SAMD12: variants seen among roughly 807,000 people sequenced by gnomAD.
SAMD12 encodes sterile alpha motif domain containing 12, also known as sterile alpha motif domain-containing protein 12.
In SAMD12, 9 loss-of-function variants were observed where a neutral mutation model predicts 15.0. The ratio of observed to expected loss-of-function variants is 0.60; its 90% CI spans 0.36 to 1.05. The LOEUF (loss-of-function observed/expected upper bound fraction) is 1.05, where lower values mean the gene tolerates loss of function less well. SAMD12 is among the 50% of genes least tolerant of loss of function. SAMD12 has a pLI of 0.01. For missense variants in SAMD12, 230 were observed against 234.2 expected (o/e 0.98, Z 0.12); for synonymous variants, 86 against 90.1 (o/e 0.96, Z 0.25).
chr8:118,467,642 G>A (rs760018561), intron 2 of SAMD12, among the ~76,000 whole-genome samples: 3 of 152,078 alleles, frequency 2.0e-5, no homozygotes, highest in Non-Finnish European at 4.4e-5. Context: ...GTTAGATATC[G>A]ACTCTAGGAA....
chr8:118,543,747 C>T (rs1468441108), intron 2 of SAMD12, among the ~76,000 whole-genome samples: 1 of 151,194 alleles, frequency 6.6e-6, no homozygotes, highest in African/African-American at 2.4e-5. Flanking sequence ...TTTAGATACC[C>T]CTGTCCTTCA....
At chr8:118,526,151 C>T (rs1825531237) in intron 2 of SAMD12, among the ~76,000 whole-genome samples, 1 of 152,196 alleles carries the variant, frequency 6.6e-6, no homozygotes, top group Non-Finnish European at 1.5e-5. Flanking sequence ...TAGCATCCTG[C>T]TGTTCTACAT....
intron 3 of SAMD12, among the ~76,000 whole-genome samples, chr8:118,432,038 C>T (rs1822433663): frequency 6.6e-6 from 1 of 152,050 alleles, no homozygotes; most frequent in Non-Finnish European, 1.5e-5. Context: ...CTGATGATCC[C>T]CTTGAAGGCA....
chr8:118,511,970 C>G (rs1169559274), intron 2 of SAMD12, among the ~76,000 whole-genome samples: 1 of 152,116 alleles, frequency 6.6e-6, no homozygotes, highest in Non-Finnish European at 1.5e-5. Flanking sequence ...ACCTCCAACC[C>G]TAAATAAGTA....
intron 4 of SAMD12, among the ~76,000 whole-genome samples, chr8:118,255,971 A>G (rs1435246194): frequency 6.6e-5 from 10 of 152,252 alleles, no homozygotes; most frequent in Admixed American, 1.3e-4. Flanking sequence ...AGTCCCACCA[A>G]CAGTGTAAAA....
chr8:118,582,152 C>T (rs1446544664), intron 1 of SAMD12, among the ~76,000 whole-genome samples: 1 of 152,170 alleles, frequency 6.6e-6, no homozygotes, highest in East Asian at 1.9e-4. Flanking sequence ...TTTCCTCCCA[C>T]TATCCACTCC....
intron 2 of SAMD12, among the ~76,000 whole-genome samples, chr8:118,575,542 GATT>G (rs1284655580): frequency 1.3e-5 from 2 of 152,100 alleles, no homozygotes; most frequent in Non-Finnish European, 2.9e-5. Context: ...TCTTCCTCCA[GATT>G]ATTAGCCAGA....
chr8:118,263,593 A>T (rs1813132816), intron 4 of SAMD12, among the ~76,000 whole-genome samples: 1 of 152,052 alleles, frequency 6.6e-6, no homozygotes, highest in Non-Finnish European at 1.5e-5. Context: ...AAAGATGGGG[A>T]GTAAAAAAAA....
intron 2 of SAMD12, among the ~76,000 whole-genome samples, chr8:118,443,998 C>G (rs555643173): frequency 6.6e-6 from 1 of 152,204 alleles, no homozygotes; most frequent in Non-Finnish European, 1.5e-5. Flanking sequence ...TCAATGCCTT[C>G]GACCGCCTCG....
intron 3 of SAMD12, among the ~76,000 whole-genome samples, chr8:118,397,145 G>T (rs569843257): frequency 6.6e-6 from 1 of 152,326 alleles, no homozygotes; most frequent in Non-Finnish European, 1.5e-5. Context: ...ACAGGCTGGA[G>T]CTCCAAGGAG....
intron 2 of SAMD12, among the ~76,000 whole-genome samples, chr8:118,526,826 A>T (rs11985455): frequency 0.013 from 1,985 of 152,266 alleles, 56 homozygotes; most frequent in African/African-American, 0.046. Flanking sequence ...TGAGACATGG[A>T]ACAGAAAAAG....
At chr8:118,284,960 A>AG (rs1373064814) in intron 4 of SAMD12, 1 of 151,768 alleles carries the variant, frequency 6.6e-6, no homozygotes, top group African/African-American at 2.4e-5. Context: ...AAAAAAAAAA[A>AG]AAAGAAGAAG....
chr8:118,136,400 A>C, the SAMD12 span, among the ~76,000 whole-genome samples: 1 of 152,344 alleles, frequency 6.6e-6, no homozygotes, highest in African/African-American at 2.4e-5. Flanking sequence ...ATTTTGGAGG[A>C]GATCAAGTGG....
At chr8:118,155,390 T>C in the SAMD12 span, among the ~76,000 whole-genome samples, 1 of 152,138 alleles carries the variant, frequency 6.6e-6, no homozygotes, top group African/African-American at 2.4e-5. Context: ...CTAACAATAG[T>C]TTATAATACA....
the SAMD12 span, among the ~76,000 whole-genome samples, chr8:118,144,074 C>T: frequency 6.6e-6 from 1 of 152,136 alleles, no homozygotes; most frequent in Non-Finnish European, 1.5e-5. Context: ...CTTGGTGTGG[C>T]TGCATCTCTC....
At chr8:118,176,448 T>C in the SAMD12 span, among the ~76,000 whole-genome samples, 1 of 152,052 alleles carries the variant, frequency 6.6e-6, no homozygotes, top group African/African-American at 2.4e-5. Context: ...ATAAAGAAAA[T>C]GTGGTACATA....
Position 118,277,006 on chromosome 8 carries a change from C to T in SAMD12, c.434-79274G>A, listed in dbSNP as rs956412874. Reference sequence around the variant, plus strand: ...TGACTTTTTGAGCAGTTTTTGAAGTCTCTCTTTCTCCAGTTTTTTTTTCCA... The same window carrying T: ...TGACTTTTTGAGCAGTTTTTGAAGTTTCTCTTTCTCCAGTTTTTTTTTCCA... On this transcript the variant is annotated intron_variant, in intron 4 of 4. Transcript: ENST00000409003. Among the ~76,000 whole-genome samples, 4 of 152,148 alleles carry T rather than the reference C, an allele frequency of 2.6e-5. No homozygotes were observed. The South Asian group carries it at 6.2e-4, about 24-fold the overall frequency.
intron 3 of SAMD12, among the ~76,000 whole-genome samples, chr8:118,401,645 G>A (rs191118822): frequency 5.3e-5 from 8 of 151,786 alleles, no homozygotes; most frequent in African/African-American, 1.5e-4. Flanking sequence ...AAAATGCTGG[G>A]ATTACAGGTA....
intron 2 of SAMD12, among the ~76,000 whole-genome samples, chr8:118,498,901 A>T (rs1191093988): frequency 6.6e-6 from 1 of 152,186 alleles, no homozygotes; most frequent in Non-Finnish European, 1.5e-5. Flanking sequence ...TTGTGCTATG[A>T]AGTATTTTCC....
Sources: allele counts gnomAD v4.1 joint callset (sites outside exome capture counted in the v4.1 genomes callset), GRCh38; gene constraint gnomAD v4.1.1; transcripts MANE v1.5; gene names NCBI Gene and HGNC (gene_info 2026-07-23, HGNC 2026-07-21).